THRB: variants seen among roughly 807,000 people sequenced by gnomAD.
THRB encodes nuclear receptor subfamily 1 group A member 2.
In THRB, 12 loss-of-function variants were observed where a neutral mutation model predicts 47.8. That is an observed-to-expected ratio of 0.25 (90% CI 0.16 to 0.41). The LOEUF is 0.41. Ranked by LOEUF, THRB falls within the 10% of genes least tolerant of loss-of-function variation. The pLI is 1.00. For synonymous variants in THRB, 218 were observed against 212.2 expected (o/e 1.03, Z -0.24); for missense variants, 348 against 589.2 (o/e 0.59, Z 4.24).
intron 1 of THRB, among the ~76,000 whole-genome samples, chr3:24,374,047 C>T (rs1471158140): frequency 2.0e-5 from 3 of 151,944 alleles, no homozygotes; most frequent in Admixed American, 1.3e-4. Context: ...ATTCACGAAT[C>T]GTCCATTGCT....
chr3:24,233,560 G>GAAGAAAGAAA (rs1553658176), intron 3 of THRB, among the ~76,000 whole-genome samples: 1 of 77,302 alleles, frequency 1.3e-5, no homozygotes, highest in Non-Finnish European at 2.8e-5. Context: ...AAAGAAAAAG[G>GAAGAAAGAAA]AAGAAAGAAA....
At chr3:24,423,327 G>A (rs746939962) in intron 1 of THRB, among the ~76,000 whole-genome samples, 1 of 151,874 alleles carries the variant, frequency 6.6e-6, no homozygotes, top group Non-Finnish European at 1.5e-5. Context: ...GGGGAAGGAT[G>A]AGAGAACACT....
intron 4 of THRB, among the ~76,000 whole-genome samples, chr3:24,196,486 T>C (rs2043969528): frequency 6.6e-6 from 1 of 152,248 alleles, no homozygotes. Context: ...ATTGTAAGCA[T>C]GCACTAATTG....
intron 5 of THRB, among the ~76,000 whole-genome samples, chr3:24,158,420 CTTTT>C (rs869272206): frequency 4.6e-5 from 5 of 107,750 alleles, no homozygotes; most frequent in African/African-American, 1.9e-4. Flanking sequence ...AAAATGATAA[CTTTT>C]TTTTTTTTTG....
intron 8 of THRB, among the ~76,000 whole-genome samples, chr3:24,135,622 T>C (rs1450236436): frequency 6.6e-6 from 1 of 151,976 alleles, no homozygotes; most frequent in Non-Finnish European, 1.5e-5. Flanking sequence ...ACCTAGATTG[T>C]GCTAAAGTAA....
intron 1 of THRB, among the ~76,000 whole-genome samples, chr3:24,419,399 T>C (rs2069036780): frequency 6.6e-6 from 1 of 151,822 alleles, no homozygotes; most frequent in Non-Finnish European, 1.5e-5. Context: ...TCCTTCCTCT[T>C]ACTTAAGGAC....
intron 1 of THRB, among the ~76,000 whole-genome samples, chr3:24,406,036 C>T (rs1432540627): frequency 1.3e-5 from 2 of 151,408 alleles, no homozygotes; most frequent in Non-Finnish European, 3.0e-5. Flanking sequence ...AACAAGTACA[C>T]TTTGATTTTT....
chr3:24,433,736 C>A (rs1364226513), intron 1 of THRB, among the ~76,000 whole-genome samples: 1 of 152,114 alleles, frequency 6.6e-6, no homozygotes. Context: ...TTACTATTAT[C>A]ATCGACCTTA....
At chr3:24,228,494 T>C (rs1407571263) in intron 4 of THRB, among the ~76,000 whole-genome samples, 1 of 151,842 alleles carries the variant, frequency 6.6e-6, no homozygotes, top group Non-Finnish European at 1.5e-5. Flanking sequence ...ATACACCGGG[T>C]GCAGTGGCCT....
chr3:24,142,685 G>A (rs888318210), intron 8 of THRB, among the ~76,000 whole-genome samples: 1 of 152,204 alleles, frequency 6.6e-6, no homozygotes, highest in African/African-American at 2.4e-5. Flanking sequence ...AGTAGGGCAC[G>A]TAGTCTTTCT....
intron 7 of THRB, among the ~76,000 whole-genome samples, chr3:24,145,258 C>T (rs2035939779): frequency 6.6e-6 from 1 of 151,956 alleles, no homozygotes; most frequent in African/African-American, 2.4e-5. Flanking sequence ...CAGCTTAATT[C>T]CAAAGGTCAC....
intron 1 of THRB, among the ~76,000 whole-genome samples, chr3:24,468,242 C>T (rs111504894): frequency 4.5e-4 from 68 of 152,280 alleles, no homozygotes; most frequent in Non-Finnish European, 7.4e-4. Flanking sequence ...GGGAATGTTG[C>T]GGCTGGTTTG....
chr3:24,188,930 T>G (rs2042987410), intron 5 of THRB, among the ~76,000 whole-genome samples: 1 of 143,350 alleles, frequency 7.0e-6, no homozygotes, highest in African/African-American at 2.7e-5. Context: ...GGGACATGTA[T>G]AGTTTTGACT....
At chr3:24,175,749 C>A (rs1465692800) in intron 5 of THRB, among the ~76,000 whole-genome samples, 2 of 151,988 alleles carry the variant, frequency 1.3e-5, no homozygotes, top group Non-Finnish European at 1.5e-5. Context: ...TTTTGGTGTA[C>A]CTTTAATTAG....
chr3:24,392,035 G>A (rs770601746), intron 1 of THRB, among the ~76,000 whole-genome samples: 11 of 152,052 alleles, frequency 7.2e-5, no homozygotes, highest in Non-Finnish European at 1.2e-4. Flanking sequence ...TCATGGTGGC[G>A]ACCCCGCTGA....
At chr3:24,127,920 C>T (rs939426589) in intron 9 of THRB, among the ~76,000 whole-genome samples, 163 bp from the exon 10 acceptor site, 2 of 152,194 alleles carry the variant, frequency 1.3e-5, no homozygotes, top group Non-Finnish European at 2.9e-5. Flanking sequence ...TGCAGACTTT[C>T]GACAACCATT....
At chr3:24,181,236 C>T (rs1461556802) in intron 5 of THRB, among the ~76,000 whole-genome samples, 1 of 152,258 alleles carries the variant, frequency 6.6e-6, no homozygotes, top group East Asian at 1.9e-4. Flanking sequence ...TTGTCTTCCC[C>T]ACAAGGGAAA....
At chr3:24,278,296 C>G (rs1248769337) in intron 3 of THRB, among the ~76,000 whole-genome samples, 1 of 152,066 alleles carries the variant, frequency 6.6e-6, no homozygotes, top group Non-Finnish European at 1.5e-5. Context: ...ATAAAGTATG[C>G]TATAAAGAAA....
rs544268510 is a variant in THRB, at chr3:24,457,801, T to C, written c.-261+36851A>G. 2.0e-3 allele frequency among the ~76,000 whole-genome samples: 297 copies of C among 152,214 alleles called. 3 individuals are homozygous for C. The highest frequency in any genetic ancestry group is 3.6e-3 in the Non-Finnish European group (246 of 68,038). ...ATAGATAGGAGTGTAAGACACTGTG[T>C]AGCCCTGCACTTCTCTGAAACAGCA... On this transcript the variant is annotated intron_variant, in intron 1 of 10. Coordinates refer to ENST00000646209, the MANE Select transcript of THRB (RefSeq NM_001354712.2).
Sources: allele counts gnomAD v4.1 joint callset (sites outside exome capture counted in the v4.1 genomes callset), GRCh38; gene constraint gnomAD v4.1.1; transcripts MANE v1.5; gene names NCBI Gene and HGNC (gene_info 2026-07-23, HGNC 2026-07-21).